The following STK39 variants were observed in gnomAD, a reference collection of about 807,000 sequenced individuals.
STK39 encodes the protein STE20/SPS1-related proline-alanine-rich protein kinase.
Under a neutral mutation model 77.8 loss-of-function variants are expected in STK39, and 20 were observed. The observed-to-expected ratio is 0.26, with a 90% CI of 0.18 to 0.37. STK39 has a LOEUF of 0.37. Ranked by LOEUF, STK39 falls within the 10% of genes least tolerant of loss-of-function variation. STK39 has a pLI of 1.00. For synonymous variants in STK39, 246 were observed against 234.1 expected, an observed-to-expected ratio of 1.05 and a Z score of -0.47; for missense variants, 479 against 656.5, an observed-to-expected ratio of 0.73 and a Z score of 2.95.
intron 17 of STK39, among the ~76,000 whole-genome samples, chr2:167,961,566 CAACAATAA>C (rs1691960424): frequency 1.3e-5 from 2 of 151,972 alleles, no homozygotes; most frequent in Non-Finnish European, 1.5e-5. Flanking sequence ...TCAAGGTTTA[CAACAATAA>C]AACACTACTA....
chr2:168,140,577 A>C lies in STK39; in HGVS notation c.738+72T>G, dbSNP rs1476065989. On this transcript the variant is annotated intron_variant, in intron 6 of 17. Transcript: ENST00000355999. ...TCTACTAAAATGCTAGATACAAATG[A>C]AATGTTAGCATATTAATGATCTGTA... 3 of 1,314,172 alleles carry C rather than the reference A, an allele frequency of 2.3e-6. No individual in the cohort carries two copies. The East Asian group carries it at 7.0e-5, about 31-fold the overall frequency. The allele number at this position is 1,314,172 out of a possible 1,614,324, so 81.4% of individuals were successfully genotyped here.
chr2:168,138,077 G>A lies in STK39; in HGVS notation c.974+11C>T, dbSNP rs200777458. 4.7e-5 allele frequency: 75 copies of A among 1,612,574 alleles called. No homozygotes were observed. Among genetic ancestry groups the A allele is most frequent in the Non-Finnish European group, 6.2e-5 (73 of 1,179,220 alleles). ...ACCAGGTCATTAACTCATCCACTAAGTTTCACTTACCTTTTGGAAGGATCT... is the reference window on the plus strand; with the variant it reads ...ACCAGGTCATTAACTCATCCACTAAATTTCACTTACCTTTTGGAAGGATCT... On this transcript the variant is annotated intron_variant, in intron 8 of 17. Coordinates refer to ENST00000355999, the MANE Select transcript of STK39 (RefSeq NM_013233.3).
At chr2:168,026,155 G>A (rs570157094) in intron 14 of STK39, among the ~76,000 whole-genome samples, 75 of 152,276 alleles carry the variant, frequency 4.9e-4, no homozygotes, top group African/African-American at 1.7e-3. Flanking sequence ...ACAAGTTTCC[G>A]ATCTTTGCAG....
intron 10 of STK39, among the ~76,000 whole-genome samples, chr2:168,087,456 G>A (rs965395756): frequency 9.8e-5 from 15 of 152,332 alleles, no homozygotes; most frequent in African/African-American, 3.4e-4. Context: ...TAAGTAAAGG[G>A]AAATTATCCT....
intron 8 of STK39, among the ~76,000 whole-genome samples, chr2:168,134,512 CAAAA>C (rs34222654): frequency 7.8e-6 from 1 of 128,422 alleles, no homozygotes. Flanking sequence ...CCCCTTGTTG[CAAAA>C]AAAAAAAAAA....
At chr2:168,073,077 T>C (rs910764742) in intron 12 of STK39, among the ~76,000 whole-genome samples, 4 of 152,336 alleles carry the variant, frequency 2.6e-5, no homozygotes, top group East Asian at 1.9e-4. Context: ...GTAAACCACC[T>C]ATGACTTTCA....
At chr2:168,076,034 G>C (rs558567959) in intron 10 of STK39, among the ~76,000 whole-genome samples, 1 of 151,984 alleles carries the variant, frequency 6.6e-6, no homozygotes, top group African/African-American at 2.4e-5. Flanking sequence ...GATGACTGAA[G>C]TGAGCCTCTG....
rs997516760 is a variant in STK39, at chr2:168,102,908, C to T, written c.1089+26633G>A. ...TTGCACCACTGCACTCCAGCCTGGG[C>T]GACAGAGCGAGAATCCGTCTCAAAA... On this transcript the variant is annotated intron_variant, in intron 10 of 17. Coordinates refer to ENST00000355999, the MANE Select transcript of STK39 (RefSeq NM_013233.3). Among the ~76,000 whole-genome samples the T allele has an allele frequency of 2.1e-4, 25 of 118,808 alleles. No individual in the cohort carries two copies. In the Admixed American group the frequency reaches 2.2e-3, roughly 10 times the overall value. The allele number at this position is 118,808 out of a possible 152,430, so 77.9% of individuals were successfully genotyped here. A position where few individuals can be genotyped will look rare whatever the true frequency, so the allele number is the denominator to read the frequency against.
intron 14 of STK39, among the ~76,000 whole-genome samples, chr2:168,040,426 G>A (rs1339491825): frequency 6.6e-6 from 1 of 152,120 alleles, no homozygotes; most frequent in Non-Finnish European, 1.5e-5. Flanking sequence ...CTGAGTAATG[G>A]GCTTCAACAA....
At chr2:168,118,602 C>CAAAAAAA (rs35533319) in intron 10 of STK39, among the ~76,000 whole-genome samples, 24 of 119,340 alleles carry the variant, frequency 2.0e-4, no homozygotes, top group Non-Finnish European at 3.1e-4. Context: ...CATATGCTTT[C>CAAAAAAA]AAAAAAAAAA....
intron 2 of STK39, among the ~76,000 whole-genome samples, chr2:168,171,590 A>G (rs1688826634): frequency 6.6e-6 from 1 of 151,594 alleles, no homozygotes; most frequent in Non-Finnish European, 1.5e-5. Flanking sequence ...GGCTCGAGCA[A>G]TCTTCACACT....
intron 17 of STK39, among the ~76,000 whole-genome samples, chr2:167,963,461 G>A (rs929419503): frequency 2.7e-5 from 4 of 150,926 alleles, no homozygotes; most frequent in Admixed American, 2.6e-4. Context: ...TGAATAAAGG[G>A]ACATATATTG....
At chr2:168,223,417 C>T (rs1489690784) in intron 1 of STK39, among the ~76,000 whole-genome samples, 3 of 147,252 alleles carry the variant, frequency 2.0e-5, no homozygotes, top group Non-Finnish European at 3.0e-5. Flanking sequence ...GAGGGCGAGG[C>T]AGGAGAATTG....
In STK39 at chr2:168,123,213, C is replaced by A. The variant is rs142719469; in HGVS notation, c.1089+6328G>T. Among the ~76,000 whole-genome samples, 1,506 of 152,302 alleles carry A rather than the reference C, an allele frequency of 9.9e-3. 21 individuals carry two copies. The highest frequency in any genetic ancestry group is 0.033 in the African/African-American group (1,382 of 41,564). On this transcript the variant is annotated intron_variant, in intron 10 of 17. Coordinates refer to ENST00000355999, the MANE Select transcript of STK39 (RefSeq NM_013233.3). ...GGAGTCACAGATGGGAAAAGAAACA[C>A]TGTTCTAGATTAAAAGAGACTACAG...
intron 16 of STK39, among the ~76,000 whole-genome samples, chr2:168,011,558 A>G (rs767025050): frequency 1.1e-4 from 16 of 152,312 alleles, no homozygotes; most frequent in Admixed American, 5.2e-4. Context: ...GCTGAAGAGC[A>G]TGGAGCTATT....
intron 2 of STK39, among the ~76,000 whole-genome samples, chr2:168,171,862 T>TCCCCC (rs200147918): frequency 1.4e-5 from 1 of 69,420 alleles, no homozygotes; most frequent in Non-Finnish European, 3.1e-5. Context: ...CACTCCCCCC[T>TCCCCC]CCCCCCCACA....
chr2:167,962,463 A>G (rs1451581241), intron 17 of STK39, among the ~76,000 whole-genome samples: 1 of 152,200 alleles, frequency 6.6e-6, no homozygotes, highest in Non-Finnish European at 1.5e-5. Flanking sequence ...AAGTTAAGTG[A>G]CAGAAATAAG....
chr2:168,065,914 C>A (rs373740097), intron 12 of STK39, among the ~76,000 whole-genome samples: 3 of 152,056 alleles, frequency 2.0e-5, no homozygotes, highest in African/African-American at 7.2e-5. Flanking sequence ...AGGTTATACT[C>A]CTCTCTCAAA....
At chr2:168,086,416 G>A (rs942266660) in intron 10 of STK39, among the ~76,000 whole-genome samples, 3 of 152,214 alleles carry the variant, frequency 2.0e-5, no homozygotes, top group African/African-American at 7.2e-5. Context: ...CAAGTGGCAA[G>A]AGCTAAATAT....
Sources: allele counts gnomAD v4.1 joint callset (sites outside exome capture counted in the v4.1 genomes callset), GRCh38; gene constraint gnomAD v4.1.1; transcripts MANE v1.5; gene names NCBI Gene and HGNC (gene_info 2026-07-23, HGNC 2026-07-21).